The following HMBOX1 variants were observed in gnomAD, a reference collection of about 807,000 sequenced individuals.
The protein encoded by HMBOX1 is homeobox containing 1, also known as homeobox-containing protein 1.
A neutral mutation model predicts 54.5 loss-of-function variants in HMBOX1; 14 were observed. That is an observed-to-expected ratio of 0.26 (90% confidence interval 0.17 to 0.40). The LOEUF (loss-of-function observed/expected upper bound fraction) is 0.40, where lower values mean the gene tolerates loss of function less well. Among genes scored for constraint, HMBOX1 ranks in the 10% least tolerant of loss-of-function variants. The pLI is 1.00. For missense variants in HMBOX1, 332 were observed against 514.4 expected (o/e 0.65, Z 3.43); for synonymous variants, 160 against 181.0 (o/e 0.88, Z 0.93).
intron 4 of HMBOX1, among the ~76,000 whole-genome samples, chr8:29,005,410 T>C (rs1207763328): frequency 6.6e-6 from 1 of 152,212 alleles, no homozygotes; most frequent in African/African-American, 2.4e-5. Context: ...TCTTTAGTTA[T>C]ATATTAGCTG....
chr8:29,032,021 G>C (rs1415184269), intron 6 of HMBOX1, among the ~76,000 whole-genome samples: 1 of 152,224 alleles, frequency 6.6e-6, no homozygotes, highest in Non-Finnish European at 1.5e-5. Context: ...AGGCTGCTGA[G>C]TGTCTGCTCA....
At chr8:28,993,014 A>G (rs1337667839) in intron 4 of HMBOX1, among the ~76,000 whole-genome samples, 1 of 150,342 alleles carries the variant, frequency 6.7e-6, no homozygotes, top group African/African-American at 2.4e-5. Context: ...GCAAATAAGT[A>G]TGTCTATTGT....
At position 29,051,414 on chromosome 8, in the gene HMBOX1, T is replaced by C. The variant is rs1806413877; in HGVS notation, c.*259T>C. 1 of 655,368 alleles carries C rather than the reference T, an allele frequency of 1.5e-6. No homozygotes were observed. Among genetic ancestry groups the C allele is most frequent in the African/African-American group, 1.8e-5 (1 of 55,742 alleles). The allele number at this position is 655,368 out of a possible 1,614,324, so 40.6% of individuals were successfully genotyped here. Reference sequence around the variant, plus strand: ...AGCCCCCGAGGCTAGAAAATCTTGCTGCTCCGTCTTAGCATTCCAAGAAAG... The same window carrying C: ...AGCCCCCGAGGCTAGAAAATCTTGCCGCTCCGTCTTAGCATTCCAAGAAAG... On this transcript the variant is annotated 3_prime_UTR_variant, in exon 10 of 10. Transcript: ENST00000287701.
intron 1 of HMBOX1, among the ~76,000 whole-genome samples, chr8:28,943,683 G>C (rs192171767): frequency 3.9e-5 from 6 of 152,242 alleles, no homozygotes; most frequent in Non-Finnish European, 7.4e-5. Context: ...TTTTCATAGA[G>C]ACATAAGTAT....
At chr8:29,002,235 T>C (rs1456018493) in intron 4 of HMBOX1, among the ~76,000 whole-genome samples, 2 of 152,192 alleles carry the variant, frequency 1.3e-5, no homozygotes, top group Non-Finnish European at 2.9e-5. Context: ...GATCTCTCCA[T>C]AGGGCTGCTT....
chr8:28,920,925 AT>A (rs1379973297), intron 1 of HMBOX1, among the ~76,000 whole-genome samples: 1 of 152,272 alleles, frequency 6.6e-6, no homozygotes, highest in Non-Finnish European at 1.5e-5. Context: ...CAGACAAAAA[AT>A]ATAAGAAAAC....
intron 1 of HMBOX1, among the ~76,000 whole-genome samples, chr8:28,944,550 A>C (rs1822065614): frequency 6.6e-6 from 1 of 152,190 alleles, no homozygotes; most frequent in South Asian, 2.1e-4. Context: ...ACTTGAGCTA[A>C]AGTCTCCAAA....
rs147110697 is a variant in HMBOX1 at position 29,030,531 on chromosome 8, A to G, written c.851+11618A>G. On this transcript the variant is annotated intron_variant, in intron 6 of 9. Transcript: ENST00000287701. The stretch of plus-strand genomic sequence containing the variant: ...ACAACGCCCGGCCGGTCAATAACCT[A>G]TTTTTAAAATCAATTAGTAAATGTT... Among the ~76,000 whole-genome samples the G allele has an allele frequency of 3.3e-3, 496 of 152,246 alleles. 7 individuals are homozygous for G. Among genetic ancestry groups the G allele is most frequent in the African/African-American group, 0.011 (464 of 41,554 alleles).
intron 6 of HMBOX1, among the ~76,000 whole-genome samples, chr8:29,021,505 A>G (rs1586539739): frequency 6.6e-6 from 1 of 152,182 alleles, no homozygotes; most frequent in Non-Finnish European, 1.5e-5. Flanking sequence ...CAATAACTCT[A>G]TCTTTATTGG....
chr8:29,047,554 C>G (rs1431878247), intron 8 of HMBOX1, 101 bp downstream of exon 8: 4 of 575,990 alleles, frequency 6.9e-6, no homozygotes, highest in South Asian at 2.3e-5. Context: ...TCTAAAGGAT[C>G]CTAACTTCTC....
chr8:29,004,121 A>G (rs538245768), intron 4 of HMBOX1, among the ~76,000 whole-genome samples: 1 of 152,346 alleles, frequency 6.6e-6, no homozygotes, highest in South Asian at 2.1e-4. Flanking sequence ...GAAGGAGAAC[A>G]GATTTAAGGA....
chr8:29,039,149 A>C (rs761271411), intron 6 of HMBOX1, among the ~76,000 whole-genome samples: 1 of 152,168 alleles, frequency 6.6e-6, no homozygotes, highest in Non-Finnish European at 1.5e-5. Flanking sequence ...AGTACTTCAT[A>C]ATATCTTCTT....
intron 3 of HMBOX1, among the ~76,000 whole-genome samples, chr8:28,973,797 A>T (rs1827842269): frequency 9.2e-6 from 1 of 108,686 alleles, no homozygotes; most frequent in African/African-American, 3.3e-5. Flanking sequence ...CGAGATACAT[A>T]ATGGAGTTTT....
chr8:28,970,297 A>G lies in HMBOX1; in HGVS notation c.278A>G (p.Gln93Arg). Residue 93 changes from glutamine (Q) to arginine (R), a missense_variant, in exon 3 of 10, where the codon CAG becomes CGG. Physicochemically the swap from Gln to Arg is conservative, Grantham distance 43. Around this residue, in one of 4 missense-constraint regions of HMBOX1, gnomAD observed 146 missense variants for 173.3 expected, o/e 0.84. Transcript: ENST00000287701. The surrounding 1 kb of genome is among the most constrained non-coding windows in gnomAD (Gnocchi z 4.3). ...SSTATASTQTQHSGMSPSPSN... is the reference protein window; with the variant it reads ...SSTATASTQTRHSGMSPSPSN... ...ACAGCTACAGCTTCCACACAGACGC[A>G]GCATTCGGGAATGTCCCCGTCACCT... is the stretch of plus-strand genomic sequence containing the variant. 1 of 1,614,220 alleles carries G rather than the reference A, an allele frequency of 6.2e-7. No individual in the cohort carries two copies. The highest frequency in any genetic ancestry group is 1.1e-5 in the South Asian group (1 of 91,082).
At chr8:29,010,281 T>TG in intron 5 of HMBOX1, 1 of 461,194 alleles carries the variant, frequency 2.2e-6, no homozygotes, top group Non-Finnish European at 2.8e-6. Flanking sequence ...ACCATTTGGC[T>TG]GGGCGCAGTG....
intron 3 of HMBOX1, among the ~76,000 whole-genome samples, chr8:28,973,488 A>G (rs1204282002): frequency 6.6e-6 from 1 of 152,148 alleles, no homozygotes; most frequent in African/African-American, 2.4e-5. Flanking sequence ...CACTTACCAC[A>G]TGAATTTTTA....
chr8:29,012,348 T>A (rs987446189), intron 5 of HMBOX1, among the ~76,000 whole-genome samples: 39 of 152,186 alleles, frequency 2.6e-4, no homozygotes, highest in African/African-American at 9.4e-4. Context: ...CTGATTGGAA[T>A]CCACCCAGAT....
intron 5 of HMBOX1, among the ~76,000 whole-genome samples, chr8:29,015,231 G>A (rs930845405): frequency 6.6e-6 from 1 of 152,094 alleles, no homozygotes; most frequent in African/African-American, 2.4e-5. Flanking sequence ...GATTCTTTCT[G>A]TTCTGTGTTC....
At chr8:29,039,102 A>T (rs1804416889) in intron 6 of HMBOX1, among the ~76,000 whole-genome samples, 1 of 152,188 alleles carries the variant, frequency 6.6e-6, no homozygotes. Context: ...CTGCTACTGC[A>T]GTACTGTATT....
Sources: allele counts gnomAD v4.1 joint callset (sites outside exome capture counted in the v4.1 genomes callset), GRCh38; gene constraint gnomAD v4.1.1; regional missense constraint gnomAD v4.1.1; non-coding constraint Gnocchi (gnomAD v3.1); transcripts MANE v1.5; gene names NCBI Gene and HGNC (gene_info 2026-07-23, HGNC 2026-07-21).